Variants in TANC2 observed in about 807,000 individuals in gnomAD.
TANC2 encodes the protein protein TANC2.
In TANC2, 26 loss-of-function variants were observed where a neutral mutation model predicts 210.5. The ratio of observed to expected loss-of-function variants is 0.12; its 90% confidence interval spans 0.09 to 0.17. The LOEUF is 0.17. Ranked by LOEUF, TANC2 falls within the 10% of genes least tolerant of loss-of-function variation. The probability of loss-of-function intolerance (pLI) is 1.00; values close to 1 mark genes in which losing one functional copy is unlikely to be tolerated. For synonymous variants in TANC2, 931 were observed against 967.1 expected (o/e 0.96, Z 0.69); for missense variants, 2,129 against 2,608.9 (o/e 0.82, Z 4.01).
At chr17:63,377,726 ACT>A in intron 14 of TANC2, among the ~76,000 whole-genome samples, 1 of 151,812 alleles carries the variant, frequency 6.6e-6, no homozygotes, top group South Asian at 2.1e-4. Flanking sequence ...GCAGCACCCT[ACT>A]CTCTGCAGTA....
chr17:63,111,009 T>C (rs1380090234), intron 4 of TANC2, among the ~76,000 whole-genome samples: 1 of 152,156 alleles, frequency 6.6e-6, no homozygotes, highest in East Asian at 1.9e-4. Context: ...CAGAGTATTG[T>C]ATGGATTAAG....
chr17:63,296,257 G>A (rs929480166), intron 9 of TANC2, among the ~76,000 whole-genome samples: 4 of 151,924 alleles, frequency 2.6e-5, no homozygotes, highest in African/African-American at 4.8e-5. Context: ...GAAGAAAGAG[G>A]TTACTCAATT....
intron 2 of TANC2, among the ~76,000 whole-genome samples, chr17:63,027,843 T>A (rs2034617807): frequency 6.6e-6 from 1 of 152,140 alleles, no homozygotes; most frequent in Admixed American, 6.5e-5. Context: ...TTCTTACATA[T>A]TTTATTCCTT....
intron 19 of TANC2, among the ~76,000 whole-genome samples, chr17:63,400,557 A>C (rs1229803072): frequency 6.6e-6 from 1 of 152,150 alleles, no homozygotes; most frequent in Admixed American, 6.5e-5. Context: ...TGTTTGACTT[A>C]TGCATATATA....
chr17:63,002,891 C>T (rs1435823746), intron 1 of TANC2, among the ~76,000 whole-genome samples: 3 of 152,122 alleles, frequency 2.0e-5, no homozygotes, highest in Admixed American at 1.3e-4. Context: ...TTGATGGACA[C>T]CTAGTCTAGG....
At chr17:63,415,366 C>T (rs1465163765) in intron 25 of TANC2, among the ~76,000 whole-genome samples, 162 bp from the exon 26 acceptor site, 1 of 152,172 alleles carries the variant, frequency 6.6e-6, no homozygotes, top group African/African-American at 2.4e-5. Context: ...AAGACTAGAC[C>T]CTTCTGCCCT....
chr17:63,375,563 T>C (rs2047398725), intron 14 of TANC2, among the ~76,000 whole-genome samples: 2 of 152,214 alleles, frequency 1.3e-5, no homozygotes, highest in Admixed American at 1.3e-4. Flanking sequence ...ATCAGAGACT[T>C]ATATTCAGAA....
chr17:63,115,792 G>C (rs917393160), intron 4 of TANC2, among the ~76,000 whole-genome samples: 2 of 152,078 alleles, frequency 1.3e-5, no homozygotes, highest in Non-Finnish European at 2.9e-5. Context: ...GTAGCTTTAG[G>C]AATAAGGTAG....
intron 5 of TANC2, among the ~76,000 whole-genome samples, chr17:63,165,959 C>T (rs2040197044): frequency 6.6e-6 from 1 of 152,096 alleles, no homozygotes; most frequent in Non-Finnish European, 1.5e-5. Flanking sequence ...TTCAGTCAAG[C>T]ACTGAAGGTT....
intron 19 of TANC2, 119 bp downstream of exon 19, chr17:63,399,033 T>A (rs1360510772): frequency 3.1e-6 from 2 of 635,072 alleles, no homozygotes; most frequent in East Asian, 6.1e-5. Context: ...GCTTTTGTAA[T>A]GCAGACTGAT....
intron 9 of TANC2, among the ~76,000 whole-genome samples, chr17:63,292,384 G>A (rs1054006575): frequency 1.3e-5 from 2 of 152,172 alleles, no homozygotes; most frequent in Admixed American, 6.5e-5. Flanking sequence ...TTCAAAAAGT[G>A]GGGATGGGTA....
At chr17:63,318,931 C>T in intron 10 of TANC2, 26 bp from the exon 11 acceptor site, 5 of 1,611,200 alleles carry the variant, frequency 3.1e-6, no homozygotes, top group Non-Finnish European at 4.2e-6. Flanking sequence ...TTATCTGATG[C>T]AAACATCTAA....
chr17:63,253,632 A>T (rs558264375), intron 8 of TANC2, among the ~76,000 whole-genome samples: 24 of 152,032 alleles, frequency 1.6e-4, no homozygotes, highest in African/African-American at 5.8e-4. Context: ...GGTTTTTTTG[A>T]CATAGGATCT....
At chr17:63,219,267 T>A (rs922261170) in intron 7 of TANC2, among the ~76,000 whole-genome samples, 5 of 151,732 alleles carry the variant, frequency 3.3e-5, no homozygotes, top group Admixed American at 2.6e-4. Flanking sequence ...AAGCTAAGAA[T>A]GATTTCTATA....
chr17:63,049,683 TGAG>T (rs1250772076), intron 2 of TANC2, among the ~76,000 whole-genome samples: 1 of 152,162 alleles, frequency 6.6e-6, no homozygotes, highest in Non-Finnish European at 1.5e-5. Context: ...TGGAGGGTTT[TGAG>T]GAGAAGAGTT....
At chr17:63,389,654 C>T in intron 17 of TANC2, 110 bp downstream of exon 17, 1 of 1,078,258 alleles carries the variant, frequency 9.3e-7, no homozygotes, top group Non-Finnish European at 1.4e-6. Context: ...TATATCAAAC[C>T]ATGATGGAGA....
intron 4 of TANC2, among the ~76,000 whole-genome samples, chr17:63,111,694 A>G (rs953408421): frequency 6.6e-6 from 1 of 151,944 alleles, no homozygotes; most frequent in African/African-American, 2.4e-5. Flanking sequence ...AGATGCTTCC[A>G]TATGTTTATG....
intron 21 of TANC2, among the ~76,000 whole-genome samples, chr17:63,411,172 G>A (rs933444170): frequency 2.6e-5 from 4 of 152,064 alleles, no homozygotes; most frequent in African/African-American, 9.7e-5. Context: ...GAGGATGCGG[G>A]AGGATTGACG....
chr17:63,329,317 G>A (rs542470364), intron 11 of TANC2, among the ~76,000 whole-genome samples: 1 of 151,656 alleles, frequency 6.6e-6, no homozygotes, highest in East Asian at 1.9e-4. Flanking sequence ...GAAAAAATGG[G>A]AAAAAAATAA....
Sources: gnomAD v4.1 joint callset for allele counts (sites outside exome capture counted in the v4.1 genomes callset) on GRCh38, gnomAD v4.1.1 for gene constraint, MANE v1.5 for transcripts, NCBI Gene and HGNC (gene_info 2026-07-23, HGNC 2026-07-21) for gene names.